LRRIQ1: variants seen among roughly 807,000 people sequenced by gnomAD.
The protein encoded by LRRIQ1 is leucine rich repeats and IQ motif containing 1.
LRRIQ1 carries 210 observed loss-of-function variants against 211.9 expected under a neutral mutation model. The ratio of observed to expected loss-of-function variants is 0.99; its 90% CI spans 0.89 to 1.11. LRRIQ1 has a LOEUF of 1.11. LRRIQ1 is among the 50% of genes most tolerant of loss of function. The probability of loss-of-function intolerance (pLI) is 0.00; values close to 1 mark genes in which losing one functional copy is unlikely to be tolerated. For synonymous variants in LRRIQ1, 699 were observed against 650.1 expected (o/e 1.08, Z -1.14); for missense variants, 2,136 against 1,939.5 (o/e 1.10, Z -1.90).
At chr12:85,062,527 A>T (rs1408927434) in intron 8 of LRRIQ1, among the ~76,000 whole-genome samples, 4 of 148,916 alleles carry the variant, frequency 2.7e-5, no homozygotes. Context: ...GAAAGGCATG[A>T]TTTCATTTTT....
chr12:85,197,947 ATAT>A (rs1435858701), intron 24 of LRRIQ1, among the ~76,000 whole-genome samples: 6 of 108,154 alleles, frequency 5.5e-5, no homozygotes, highest in Non-Finnish European at 9.2e-5. Context: ...ATATATTTAT[ATAT>A]AATTATATAT....
chr12:85,148,839 A>T (rs1890058688), intron 19 of LRRIQ1, among the ~76,000 whole-genome samples: 1 of 151,998 alleles, frequency 6.6e-6, no homozygotes, highest in Admixed American at 6.6e-5. Flanking sequence ...AATAATTGTC[A>T]TTCTGACTGG....
chr12:85,236,371 A>G (rs1895172021), intron 26 of LRRIQ1, among the ~76,000 whole-genome samples: 1 of 152,148 alleles, frequency 6.6e-6, no homozygotes, highest in Non-Finnish European at 1.5e-5. Context: ...ATATCTAAAT[A>G]CAGAAAGATC....
intron 6 of LRRIQ1, among the ~76,000 whole-genome samples, chr12:85,049,070 T>C (rs1879989715): frequency 1.3e-5 from 2 of 152,214 alleles, no homozygotes. Flanking sequence ...AATGCAATAA[T>C]ATTAGGTGTA....
chr12:85,229,523 A>T lies in LRRIQ1; in HGVS notation c.4829A>T (p.Glu1610Val). The T allele has an allele frequency of 1.2e-6, 2 of 1,608,228 alleles. No homozygotes were observed. Among genetic ancestry groups the T allele is most frequent in the Non-Finnish European group, 1.7e-6 (2 of 1,178,326 alleles). Residue 1610 changes from glutamate to valine, a missense_variant, in exon 25 of 27, where the codon GAA (glutamate) becomes GTA (valine). Physicochemically the swap from Glu to Val is moderately radical, Grantham distance 121 (BLOSUM62 -2). Coordinates refer to ENST00000393217, the MANE Select transcript of LRRIQ1 (RefSeq NM_001079910.2). ...PRRDGYFEGI[E>V]EDPIHKDTTA... Reference sequence around the variant, plus strand: ...TTCCATATTTCTTTCACAGGTATAGAAGAAGACCCTATCCACAAAGATACC... The same window carrying T: ...TTCCATATTTCTTTCACAGGTATAGTAGAAGACCCTATCCACAAAGATACC...
intron 13 of LRRIQ1, among the ~76,000 whole-genome samples, chr12:85,100,188 T>C (rs928314402): frequency 6.6e-6 from 1 of 151,808 alleles, no homozygotes; most frequent in African/African-American, 2.4e-5. Flanking sequence ...TTAATAAGCA[T>C]AAAATATTTA....
intron 19 of LRRIQ1, among the ~76,000 whole-genome samples, chr12:85,143,821 G>C (rs1889704339): frequency 6.6e-6 from 1 of 151,542 alleles, no homozygotes; most frequent in African/African-American, 2.4e-5. Flanking sequence ...ATCACTTGCA[G>C]ATATCTTTCT....
At chr12:85,085,052 TCAGA>T (rs1404410144) in intron 11 of LRRIQ1, among the ~76,000 whole-genome samples, 1 of 152,186 alleles carries the variant, frequency 6.6e-6, no homozygotes, top group East Asian at 1.9e-4. Flanking sequence ...ACATTTATTC[TCAGA>T]CAATTTTCCT....
chr12:85,071,000 ATTGATAATT>A (rs1261518448), intron 10 of LRRIQ1, among the ~76,000 whole-genome samples: 5 of 151,968 alleles, frequency 3.3e-5, no homozygotes, highest in African/African-American at 1.2e-4. Context: ...TAGATTATAA[ATTGATAATT>A]TAGTTTGCTA....
At chr12:85,097,657 G>A (rs577119393) in intron 11 of LRRIQ1, among the ~76,000 whole-genome samples, 14 of 152,090 alleles carry the variant, frequency 9.2e-5, no homozygotes, top group African/African-American at 3.4e-4. Flanking sequence ...GCATAGTCTA[G>A]TATCTAATTT....
chr12:85,058,204 T>C (rs1373429273), intron 8 of LRRIQ1, among the ~76,000 whole-genome samples: 1 of 152,018 alleles, frequency 6.6e-6, no homozygotes, highest in Non-Finnish European at 1.5e-5. Flanking sequence ...TTCTGGTATA[T>C]GAAATAGCAA....
chr12:85,059,217 T>C (rs1203430514), intron 8 of LRRIQ1, among the ~76,000 whole-genome samples: 2 of 151,998 alleles, frequency 1.3e-5, no homozygotes, highest in Admixed American at 1.3e-4. Context: ...TAGAAAAGTT[T>C]ATTGTCTCCC....
At chr12:85,246,656 A>C (rs1248097553), downstream of LRRIQ1, among the ~76,000 whole-genome samples, 1 of 151,466 alleles carries the variant, frequency 6.6e-6, no homozygotes, top group Non-Finnish European at 1.5e-5. Context: ...ATTCTCCAAG[A>C]AGCTGAAATA....
intron 9 of LRRIQ1, 65 bp from the exon 10 acceptor site, chr12:85,066,683 A>G: frequency 7.8e-7 from 1 of 1,275,226 alleles, no homozygotes; most frequent in Non-Finnish European, 1.1e-6. Context: ...CTCTTTTTGA[A>G]AGCTTTAAAT....
intron 23 of LRRIQ1, 60 bp from the exon 24 acceptor site, chr12:85,160,553 C>T (rs2404773): frequency 0.26 from 258,340 of 1,002,440 alleles, 35,575 homozygotes; most frequent in Admixed American, 0.34. Flanking sequence ...AATATGTGGA[C>T]ATTTAGAGAA....
At chr12:85,068,407 T>G (rs753643279) in intron 10 of LRRIQ1, among the ~76,000 whole-genome samples, 113 of 151,918 alleles carry the variant, frequency 7.4e-4, no homozygotes, top group Non-Finnish European at 1.5e-4. Flanking sequence ...TGTGGAAAAT[T>G]TCAAACATTT....
At chr12:85,242,024 TTACAA>T (rs1895485369) in intron 26 of LRRIQ1, among the ~76,000 whole-genome samples, 1 of 151,986 alleles carries the variant, frequency 6.6e-6, no homozygotes, top group African/African-American at 2.4e-5. Context: ...AGAGCGGCAA[TTACAA>T]ACCTTGTAGG....
At chr12:85,155,424 G>C (rs1592896670) in intron 23 of LRRIQ1, among the ~76,000 whole-genome samples, 1 of 151,640 alleles carries the variant, frequency 6.6e-6, no homozygotes, top group South Asian at 2.1e-4. Flanking sequence ...ACGATAGTGA[G>C]ATTCTCTTTC....
chr12:85,105,250 TA>T (rs1886686485), intron 14 of LRRIQ1, among the ~76,000 whole-genome samples: 1 of 152,102 alleles, frequency 6.6e-6, no homozygotes, highest in Non-Finnish European at 1.5e-5. Flanking sequence ...TGTCCTTTTA[TA>T]ATAAAATTTT....
Sources: gnomAD v4.1 joint callset for allele counts (sites outside exome capture counted in the v4.1 genomes callset) on GRCh38, gnomAD v4.1.1 for gene constraint, MANE v1.5 for transcripts, NCBI Gene and HGNC (gene_info 2026-07-23, HGNC 2026-07-21) for gene names.